ASIC2: variants seen among roughly 807,000 people sequenced by gnomAD.
ASIC2 encodes the protein acid sensing ion channel subunit 2, also known as acid-sensing ion channel 2.
In ASIC2, 25 loss-of-function variants were observed where a neutral mutation model predicts 57.3. The ratio of observed to expected loss-of-function variants is 0.44; its 90% CI spans 0.32 to 0.61. The LOEUF (loss-of-function observed/expected upper bound fraction) is 0.61, where lower values mean the gene tolerates loss of function less well. Ranked by LOEUF, ASIC2 falls within the 20% of genes least tolerant of loss-of-function variation. ASIC2 has a pLI of 0.06. For missense variants in ASIC2, 641 were observed against 738.1 expected, an observed-to-expected ratio of 0.87 and a Z score of 1.52; for synonymous variants, 319 against 307.5, an observed-to-expected ratio of 1.04 and a Z score of -0.39.
intron 1 of ASIC2, among the ~76,000 whole-genome samples, chr17:33,752,933 C>G (rs985571937): frequency 6.6e-6 from 1 of 152,198 alleles, no homozygotes; most frequent in South Asian, 2.1e-4. Context: ...TATAATCCAG[C>G]AATCAAGCTC....
chr17:33,176,573 G>T (rs543995409), intron 1 of ASIC2, among the ~76,000 whole-genome samples: 1 of 152,256 alleles, frequency 6.6e-6, no homozygotes, highest in East Asian at 1.9e-4. Context: ...TGAATTTCTG[G>T]GCTCAAGTGA....
At chr17:34,044,013 T>C (rs1908233829) in intron 1 of ASIC2, among the ~76,000 whole-genome samples, 1 of 152,182 alleles carries the variant, frequency 6.6e-6, no homozygotes, top group Non-Finnish European at 1.5e-5. Flanking sequence ...ACCCTCCCTG[T>C]TGAGGACACA....
intron 1 of ASIC2, among the ~76,000 whole-genome samples, chr17:33,218,422 G>T (rs938121025): frequency 1.3e-5 from 2 of 152,190 alleles, no homozygotes; most frequent in African/African-American, 4.8e-5. Flanking sequence ...CGAGCCCAGT[G>T]CCCGGCACAG....
chr17:33,034,774 C>G (rs1463501378), intron 3 of ASIC2, among the ~76,000 whole-genome samples: 1 of 152,140 alleles, frequency 6.6e-6, no homozygotes, highest in African/African-American at 2.4e-5. Flanking sequence ...CTTTGCTTCT[C>G]AGGATTTAAA....
intron 1 of ASIC2, among the ~76,000 whole-genome samples, chr17:33,819,496 C>T: frequency 6.6e-6 from 1 of 152,210 alleles, no homozygotes; most frequent in East Asian, 1.9e-4. Context: ...GTACTGAGGA[C>T]TTCATGAATC....
At chr17:33,385,762 C>A (rs193242043) in intron 1 of ASIC2, among the ~76,000 whole-genome samples, 1 of 152,276 alleles carries the variant, frequency 6.6e-6, no homozygotes, top group Admixed American at 6.5e-5. Context: ...GATCCATAGG[C>A]TGCAGAGAGA....
intron 1 of ASIC2, among the ~76,000 whole-genome samples, chr17:33,727,085 A>G (rs1047793269): frequency 1.3e-5 from 2 of 152,244 alleles, no homozygotes; most frequent in Non-Finnish European, 2.9e-5. Flanking sequence ...ACCAAAACCA[A>G]CTACAGAGGT....
At chr17:33,235,827 TATATC>T (rs1480665882) in intron 1 of ASIC2, among the ~76,000 whole-genome samples, 1 of 152,170 alleles carries the variant, frequency 6.6e-6, no homozygotes, top group East Asian at 1.9e-4. Context: ...GAGCTGATGA[TATATC>T]ATTATTATTA....
At chr17:33,930,034 C>A (rs1915898591) in intron 1 of ASIC2, among the ~76,000 whole-genome samples, 2 of 152,148 alleles carry the variant, frequency 1.3e-5, no homozygotes, top group African/African-American at 4.8e-5. Flanking sequence ...CTGTACAGGA[C>A]AAACTTTTTG....
chr17:33,781,612 G>A (rs1911456616), intron 1 of ASIC2, among the ~76,000 whole-genome samples: 2 of 152,156 alleles, frequency 1.3e-5, no homozygotes, highest in African/African-American at 4.8e-5. Context: ...AGGACACAGA[G>A]CGAACACAGG....
chr17:33,371,616 G>A (rs1909064564), intron 1 of ASIC2, among the ~76,000 whole-genome samples: 1 of 152,140 alleles, frequency 6.6e-6, no homozygotes, highest in Non-Finnish European at 1.5e-5. Context: ...TGGACATACT[G>A]GTGCTCATCA....
At chr17:34,142,829 G>A (rs2142137569) in intron 1 of ASIC2, 1 of 152,292 alleles carries the variant, frequency 6.6e-6, no homozygotes, top group Non-Finnish European at 1.5e-5. Context: ...GGTGGAAAGA[G>A]CTAGTACAGC....
At chr17:34,126,202 G>T (rs146423982) in intron 1 of ASIC2, among the ~76,000 whole-genome samples, 78 of 152,288 alleles carry the variant, frequency 5.1e-4, no homozygotes, top group Admixed American at 1.4e-3. Flanking sequence ...TCATGAGGAG[G>T]ACTGCCTATC....
intron 1 of ASIC2, among the ~76,000 whole-genome samples, chr17:33,989,977 C>G (rs1030279461): frequency 6.6e-6 from 1 of 152,054 alleles, no homozygotes; most frequent in Non-Finnish European, 1.5e-5. Context: ...GCTGGTCAGC[C>G]CTTCGTGCAT....
intron 2 of ASIC2, among the ~76,000 whole-genome samples, chr17:33,089,815 C>T (rs1237443993): frequency 6.6e-6 from 1 of 152,178 alleles, no homozygotes; most frequent in African/African-American, 2.4e-5. Flanking sequence ...AGAAACTTCC[C>T]TCATTTTTTC....
chr17:33,571,117 C>G (rs187105351), intron 1 of ASIC2, among the ~76,000 whole-genome samples: 3 of 152,258 alleles, frequency 2.0e-5, no homozygotes, highest in East Asian at 1.9e-4. Context: ...GAAGCGTACA[C>G]CATTCCAGAT....
At chr17:33,984,351 G>C (rs1175165021) in intron 1 of ASIC2, 1 of 152,228 alleles carries the variant, frequency 6.6e-6, no homozygotes, top group East Asian at 1.9e-4. Flanking sequence ...GTGCAGCCCT[G>C]TCTATGAGGT....
chr17:33,453,357 G>A (rs969594027), intron 1 of ASIC2, among the ~76,000 whole-genome samples: 3 of 151,348 alleles, frequency 2.0e-5, no homozygotes, highest in East Asian at 1.9e-4. Flanking sequence ...TCTTTTATAC[G>A]TTGGGAAATA....
In ASIC2 at chr17:33,718,154, C is replaced by T. The variant is rs547402063; in HGVS notation, c.555+437824G>A. Among the ~76,000 whole-genome samples, 45 of 152,036 alleles carry T rather than the reference C, an allele frequency of 3.0e-4. 2 individuals are homozygous for T. In the South Asian group the frequency reaches 9.1e-3, roughly 31 times the overall value. ...TTCGCACATAACCTACACACATGCT[C>T]CTGTATGCTTTAAATCATCTCTAGT... On this transcript the variant is annotated intron_variant, in intron 1 of 9. Transcript: ENST00000359872.
Sources: gnomAD v4.1 joint callset for allele counts (sites outside exome capture counted in the v4.1 genomes callset) on GRCh38, gnomAD v4.1.1 for gene constraint, MANE v1.5 for transcripts, NCBI Gene and HGNC (gene_info 2026-07-23, HGNC 2026-07-21) for gene names.